The following GCSAML variants were observed in gnomAD, a reference collection of about 807,000 sequenced individuals.
GCSAML encodes germinal center-associated signaling and motility-like protein.
GCSAML carries 9 observed loss-of-function variants against 13.0 expected under a neutral mutation model. The ratio of observed to expected loss-of-function variants is 0.69; its 90% CI spans 0.42 to 1.21. GCSAML has a LOEUF of 1.21. Ranked by LOEUF, GCSAML falls within the 50% of genes most tolerant of loss-of-function variation. GCSAML has a pLI of 0.00. For missense variants in GCSAML, 143 were observed against 153.4 expected (o/e 0.93, Z 0.36); for synonymous variants, 37 against 52.9 (o/e 0.70, Z 1.31).
chr1:247,510,363 A>AT (rs1195176940), intron 1 of GCSAML, among the ~76,000 whole-genome samples: 1 of 151,504 alleles, frequency 6.6e-6, no homozygotes, highest in African/African-American at 2.4e-5. Context: ...CTCCTTTATC[A>AT]TTTTTTATTG....
At chr1:247,546,460 G>A (rs112806062), upstream of GCSAML, among the ~76,000 whole-genome samples, 8,999 of 152,118 alleles carry the variant, frequency 0.059, 371 homozygotes, top group South Asian at 0.1. Context: ...CCGGGTTCAC[G>A]CCATTCTCCT....
chr1:247,556,563 C>A (rs1374480689), intron 2 of GCSAML, 97 bp downstream of exon 2: 27 of 779,380 alleles, frequency 3.5e-5, no homozygotes, highest in South Asian at 2.8e-4. Context: ...AACTAACACC[C>A]CTTAGGGCCG....
rs766455427 is a variant in GCSAML at position 247,527,222 on chromosome 1, CAG to C, written c.-148+169_-148+170del. 242 of 384,248 alleles carry C rather than the reference CAG, an allele frequency of 6.3e-4. No homozygotes were observed. Among genetic ancestry groups the C allele is most frequent in the Non-Finnish European group, 1.1e-3 (209 of 193,912 alleles). The allele number at this position is 384,248 out of a possible 1,614,324, so 23.8% of individuals were successfully genotyped here. ...GGTCATCATTCTCCTCTGTGCCAAA[CAG>C]GGGCTGATGGATGGTCAGGGCAAAG... On this transcript the variant is annotated intron_variant, in intron 2 of 5. Transcript: ENST00000366489. The surrounding 1 kb of genome is among the most constrained non-coding windows in gnomAD (Gnocchi z 4.6).
chr1:247,561,160 C>T (rs1478332412), intron 2 of GCSAML, among the ~76,000 whole-genome samples: 2 of 151,960 alleles, frequency 1.3e-5, no homozygotes, highest in East Asian at 3.9e-4. Context: ...TGCCATGTTG[C>T]CCAGTCTGGT....
intron 4 of GCSAML, among the ~76,000 whole-genome samples, chr1:247,570,624 C>G (rs1668567383): frequency 1.3e-5 from 2 of 152,044 alleles, no homozygotes; most frequent in Admixed American, 1.3e-4. Context: ...TGTTTTACTT[C>G]CAAATATGTG....
chr1:247,572,369 C>T (rs1419581803), intron 4 of GCSAML, among the ~76,000 whole-genome samples: 1 of 152,022 alleles, frequency 6.6e-6, no homozygotes, highest in African/African-American at 2.4e-5. Flanking sequence ...TCTTGGTGAC[C>T]TTTGTATGGA....
chr1:247,570,296 G>A (rs1668552334), intron 4 of GCSAML, among the ~76,000 whole-genome samples: 2 of 152,110 alleles, frequency 1.3e-5, no homozygotes. Flanking sequence ...AAATTGTGAT[G>A]TTAGGGTATT....
chr1:247,531,604 C>T lies in GCSAML; in HGVS notation c.-148+4550C>T, dbSNP rs141308461. 1.1e-5 allele frequency: 18 copies of T among 1,614,018 alleles called. No individual in the cohort carries two copies. In the Admixed American group the frequency reaches 1.5e-4, roughly 13 times the overall value. ...ACAGCAGTTCTCTAATACCATGTGC[C>T]GGAGGGCGCTCTTCACCTCCGTGTT... On this transcript the variant is annotated intron_variant, in intron 2 of 5. Transcript: ENST00000366489.
At chr1:247,528,444 G>T (rs1558239480) in intron 2 of GCSAML, 1 of 152,110 alleles carries the variant, frequency 6.6e-6, no homozygotes, top group Non-Finnish European at 1.5e-5. Flanking sequence ...TGTGTTAAGT[G>T]AAATAAGCCA....
rs191794315 is a variant in GCSAML, at chr1:247,512,003, G to A, written c.-263+4770G>A. On this transcript the variant is annotated intron_variant, in intron 1 of 5. Coordinates refer to the GCSAML transcript ENST00000366489. ...TGTGTCTTGGGGTTGCTCTTCTCGC[G>A]GAGTATCTTAACGGTGTTCTCTGTA... Among the ~76,000 whole-genome samples, 504 of 152,174 alleles carry A rather than the reference G, an allele frequency of 3.3e-3. 6 individuals carry two copies. The highest frequency in any genetic ancestry group is 0.011 in the African/African-American group (471 of 41,526).
At chr1:247,529,899 C>G (rs1666847674) in intron 2 of GCSAML, 1 of 152,156 alleles carries the variant, frequency 6.6e-6, no homozygotes, top group Admixed American at 6.5e-5. Flanking sequence ...TGAACTCAAG[C>G]TGCAACATCA....
At chr1:247,518,042 G>A (rs1158593912) in intron 1 of GCSAML, among the ~76,000 whole-genome samples, 1 of 152,146 alleles carries the variant, frequency 6.6e-6, no homozygotes, top group African/African-American at 2.4e-5. Flanking sequence ...TCAGCGACCG[G>A]GCCCTTCTCC....
chr1:247,558,443 A>C (rs1432638207), intron 2 of GCSAML, among the ~76,000 whole-genome samples: 1 of 152,156 alleles, frequency 6.6e-6, no homozygotes, highest in Non-Finnish European at 1.5e-5. Context: ...CCCTTCTCAT[A>C]TATACAGTTT....
At chr1:247,555,031 T>G (rs1283112934) in intron 1 of GCSAML, among the ~76,000 whole-genome samples, 1 of 152,180 alleles carries the variant, frequency 6.6e-6, no homozygotes, top group Non-Finnish European at 1.5e-5. Context: ...TGATATTATC[T>G]GAATTCCTCT....
intron 2 of GCSAML, chr1:247,532,178 C>G (rs548732653): frequency 6.2e-7 from 1 of 1,614,070 alleles, no homozygotes. Flanking sequence ...AGGACACACT[C>G]GGTTGCCCCC....
chr1:247,532,088 A>C, intron 2 of GCSAML: 1 of 1,614,054 alleles, frequency 6.2e-7, no homozygotes, highest in Non-Finnish European at 8.5e-7. Context: ...AGCCCAAGGC[A>C]AAGCTGTGGA....
intron 2 of GCSAML, among the ~76,000 whole-genome samples, chr1:247,539,719 G>C (rs967493107): frequency 1.3e-5 from 2 of 151,340 alleles, no homozygotes; most frequent in African/African-American, 4.9e-5. Context: ...TAATCTGTCA[G>C]CAAATCCTTT....
chr1:247,522,271 C>CCAGCCACCCCG (rs1168642172), intron 1 of GCSAML, among the ~76,000 whole-genome samples: 4 of 111,206 alleles, frequency 3.6e-5, no homozygotes, highest in South Asian at 6.2e-4. Context: ...CCCCACCCGG[C>CCAGCCACCCCG]TAGCCGCCCT....
intron 4 of GCSAML, among the ~76,000 whole-genome samples, chr1:247,567,111 CT>C (rs139207166): frequency 1.5e-4 from 22 of 145,060 alleles, no homozygotes; most frequent in Admixed American, 7.6e-4. Context: ...GGAGCAAGGG[CT>C]TTTTTTTTTC....
Sources: gnomAD v4.1 joint callset for allele counts (sites outside exome capture counted in the v4.1 genomes callset) on GRCh38, gnomAD v4.1.1 for gene constraint, Gnocchi (gnomAD v3.1) non-coding constraint, MANE v1.5 for transcripts, NCBI Gene and HGNC (gene_info 2026-07-23, HGNC 2026-07-21) for gene names.